BTRC: variants seen among roughly 807,000 people sequenced by gnomAD.
BTRC encodes the protein F-box/WD repeat-containing protein 1A.
Under a neutral mutation model 85.5 loss-of-function variants are expected in BTRC, and 42 were observed. The ratio of observed to expected loss-of-function variants is 0.49; its 90% confidence interval spans 0.38 to 0.64. The LOEUF is 0.64. BTRC is among the 30% of genes least tolerant of loss of function. The pLI, the probability that BTRC is intolerant of heterozygous loss-of-function variation, is 0.00. For missense variants in BTRC, 594 were observed against 743.5 expected (o/e 0.80, Z 2.34); for synonymous variants, 255 against 263.3 (o/e 0.97, Z 0.30).
At chr10:101,446,270 T>C (rs1944824569) in intron 2 of BTRC, among the ~76,000 whole-genome samples, 1 of 152,164 alleles carries the variant, frequency 6.6e-6, no homozygotes, top group Non-Finnish European at 1.5e-5. Context: ...TAAGGTATTC[T>C]AAATGTGAGC....
intron 1 of BTRC, among the ~76,000 whole-genome samples, chr10:101,422,682 T>C (rs1345946188): frequency 2.0e-5 from 3 of 152,202 alleles, no homozygotes; most frequent in South Asian, 2.1e-4. Context: ...CAGCTTTCTA[T>C]ATATGGCTAG....
chr10:101,530,896 G>A (rs531454012), intron 6 of BTRC, among the ~76,000 whole-genome samples: 14 of 152,280 alleles, frequency 9.2e-5, no homozygotes, highest in Non-Finnish European at 1.3e-4. Flanking sequence ...AATGTCGGCC[G>A]GGTGTGATGG....
At chr10:101,530,631 A>C (rs1344591498) in intron 6 of BTRC, among the ~76,000 whole-genome samples, 1 of 152,200 alleles carries the variant, frequency 6.6e-6, no homozygotes, top group Non-Finnish European at 1.5e-5. Flanking sequence ...CTGATTGTAC[A>C]TATTCCATTT....
At chr10:101,471,055 G>A (rs1945510995) in intron 3 of BTRC, among the ~76,000 whole-genome samples, 1 of 152,132 alleles carries the variant, frequency 6.6e-6, no homozygotes, top group African/African-American at 2.4e-5. Flanking sequence ...AAAATGATAG[G>A]TGTCTATCCT....
chr10:101,488,652 C>T (rs1187958470), intron 4 of BTRC, among the ~76,000 whole-genome samples: 1 of 152,120 alleles, frequency 6.6e-6, no homozygotes, highest in Non-Finnish European at 1.5e-5. Flanking sequence ...TTAGTCTTTA[C>T]ATATTAGACT....
chr10:101,535,297 A>G (rs1042375734), intron 10 of BTRC, 57 bp from the exon 11 acceptor site: 17 of 1,342,104 alleles, frequency 1.3e-5, no homozygotes, highest in African/African-American at 1.0e-4. Context: ...TCCATTTGCC[A>G]TAGATTTTAC....
chr10:101,497,789 A>C (rs781308933), intron 4 of BTRC, among the ~76,000 whole-genome samples: 1 of 152,124 alleles, frequency 6.6e-6, no homozygotes, highest in Admixed American at 6.5e-5. Context: ...TGGGAGGCCA[A>C]CGCGGGCATG....
chr10:101,447,604 G>C (rs1174321712), intron 2 of BTRC, among the ~76,000 whole-genome samples: 2 of 152,024 alleles, frequency 1.3e-5, no homozygotes, highest in Non-Finnish European at 2.9e-5. Context: ...ACCAAACTCT[G>C]TAGTGGTATT....
rs201398446 is a variant in BTRC, at chr10:101,486,214, G to A, written c.324+6757G>A. Among the ~76,000 whole-genome samples the A allele has an allele frequency of 3.3e-5, 5 of 152,120 alleles. No homozygotes were observed. The East Asian group carries it at 9.7e-4, about 29-fold the overall frequency. On this transcript the variant is annotated intron_variant, in intron 4 of 14. Coordinates refer to ENST00000370187, the MANE Select transcript of BTRC (RefSeq NM_033637.4). ...AAGCGGCTGTTGTAATCCAATTATA[G>A]CAGCATAAGCAATTTGTTAGACACT...
At chr10:101,533,154 C>T (rs781339830) in intron 9 of BTRC, 84 bp downstream of exon 9, 36 of 948,150 alleles carry the variant, frequency 3.8e-5, no homozygotes, top group Non-Finnish European at 5.3e-5. Flanking sequence ...TTGTATATAT[C>T]GGCACAGTTC....
At chr10:101,449,819 CTT>C (rs914032958) in intron 2 of BTRC, among the ~76,000 whole-genome samples, 1 of 147,440 alleles carries the variant, frequency 6.8e-6, no homozygotes, top group African/African-American at 2.5e-5. Context: ...GTGTGGATTG[CTT>C]TTTTTTTTCC....
At chr10:101,361,647 G>T (rs1255446916) in intron 1 of BTRC, among the ~76,000 whole-genome samples, 2 of 152,212 alleles carry the variant, frequency 1.3e-5, no homozygotes, top group African/African-American at 4.8e-5. Flanking sequence ...TATTTCTGCT[G>T]TACTTGGGGA....
intron 4 of BTRC, among the ~76,000 whole-genome samples, chr10:101,484,864 T>C (rs1482930083): frequency 6.6e-6 from 1 of 152,234 alleles, no homozygotes; most frequent in Non-Finnish European, 1.5e-5. Flanking sequence ...ATGTGTTAAT[T>C]GGGTTACAGA....
intron 1 of BTRC, among the ~76,000 whole-genome samples, chr10:101,398,376 C>T (rs1190866896): frequency 6.6e-6 from 1 of 152,078 alleles, no homozygotes; most frequent in African/African-American, 2.4e-5. Context: ...GATCTCAGCT[C>T]GCTGCAAGCT....
intron 13 of BTRC, among the ~76,000 whole-genome samples, chr10:101,546,400 T>C (rs2134462880): frequency 6.6e-6 from 1 of 152,244 alleles, no homozygotes; most frequent in African/African-American, 2.4e-5. Context: ...TAAATTGAAA[T>C]GTATTTTTTT....
At chr10:101,508,009 T>C (rs1946585880) in intron 4 of BTRC, among the ~76,000 whole-genome samples, 1 of 152,178 alleles carries the variant, frequency 6.6e-6, no homozygotes, top group Admixed American at 6.5e-5. Context: ...CCTATCACCC[T>C]GGAAGCTATA....
At chr10:101,533,108 T>C (rs780121202) in intron 9 of BTRC, 38 bp downstream of exon 9, 8 of 1,405,298 alleles carry the variant, frequency 5.7e-6, no homozygotes, top group Middle Eastern at 1.8e-4. Context: ...CTCTGAAATA[T>C]CAGCTCTGCT....
At chr10:101,424,166 G>A (rs186001455) in intron 1 of BTRC, among the ~76,000 whole-genome samples, 25 of 152,192 alleles carry the variant, frequency 1.6e-4, no homozygotes, top group African/African-American at 5.8e-4. Flanking sequence ...CCTGGGAGGC[G>A]GAGGTTGCAG....
chr10:101,464,511 G>A lies in BTRC; in HGVS notation c.234+2453G>A, dbSNP rs1945317529. ...GCAGGTTCTCTTCCCCACTCCCCCT[G>A]CCCACTTTAATTTAACAACCTTCCC... On this transcript the variant is annotated intron_variant, in intron 3 of 14. Coordinates refer to ENST00000370187, the MANE Select transcript of BTRC (RefSeq NM_033637.4). 4.2e-5 allele frequency among the ~76,000 whole-genome samples: 6 copies of A among 142,036 alleles called. No homozygotes were observed. The South Asian group carries it at 1.3e-3, about 31-fold the overall frequency. The allele number at this position is 142,036 out of a possible 152,430, so 93.2% of individuals were successfully genotyped here. A position where few individuals can be genotyped will look rare whatever the true frequency, so the allele number is the denominator to read the frequency against.
Sources: gnomAD v4.1 joint callset for allele counts (sites outside exome capture counted in the v4.1 genomes callset) on GRCh38, gnomAD v4.1.1 for gene constraint, MANE v1.5 for transcripts, NCBI Gene and HGNC (gene_info 2026-07-23, HGNC 2026-07-21) for gene names.